The following RIT2 variants were observed in gnomAD, a reference collection of about 807,000 sequenced individuals.
RIT2 encodes the protein Ras like without CAAX 2.
RIT2 carries 24 observed loss-of-function variants against 23.7 expected under a neutral mutation model. That is an observed-to-expected ratio of 1.01 (90% confidence interval 0.73 to 1.43). The LOEUF (loss-of-function observed/expected upper bound fraction) is 1.43. Among genes scored for constraint, RIT2 ranks in the 40% most tolerant of loss-of-function variants. RIT2 has a pLI of 0.00. For synonymous variants in RIT2, 107 were observed against 91.1 expected (o/e 1.17, Z -0.99); for missense variants, 236 against 266.9 (o/e 0.88, Z 0.81).
chr18:43,045,483 C>T (rs1362361201), intron 1 of RIT2, among the ~76,000 whole-genome samples: 1 of 152,070 alleles, frequency 6.6e-6, no homozygotes, highest in Non-Finnish European at 1.5e-5. Context: ...AACGTATACC[C>T]GGGGCTGAAG....
At chr18:42,935,845 C>T (rs997506838) in intron 3 of RIT2, among the ~76,000 whole-genome samples, 1 of 151,998 alleles carries the variant, frequency 6.6e-6, no homozygotes, top group Non-Finnish European at 1.5e-5. Context: ...AGTTTAAGTG[C>T]CCCATTTTGA....
chr18:42,900,592 A>G (rs575555750), intron 4 of RIT2, among the ~76,000 whole-genome samples: 3 of 152,050 alleles, frequency 2.0e-5, no homozygotes. Context: ...GCATCATACC[A>G]TCACATCCCT....
chr18:43,016,680 G>A (rs190687930), intron 2 of RIT2, among the ~76,000 whole-genome samples: 3 of 151,590 alleles, frequency 2.0e-5, no homozygotes, highest in East Asian at 1.9e-4. Flanking sequence ...GCACATTATG[G>A]GACTATCTTT....
At chr18:43,066,758 T>C (rs1424078563) in intron 1 of RIT2, among the ~76,000 whole-genome samples, 1 of 152,100 alleles carries the variant, frequency 6.6e-6, no homozygotes, top group Non-Finnish European at 1.5e-5. Flanking sequence ...AAGCAATGCA[T>C]ACAAACTGTA....
At chr18:42,867,442 A>G (rs1907502245) in intron 4 of RIT2, among the ~76,000 whole-genome samples, 1 of 152,074 alleles carries the variant, frequency 6.6e-6, no homozygotes, top group South Asian at 2.1e-4. Flanking sequence ...TACTCTAATT[A>G]TAATTAACTA....
At chr18:42,920,478 T>G (rs1909026897) in intron 4 of RIT2, among the ~76,000 whole-genome samples, 1 of 152,314 alleles carries the variant, frequency 6.6e-6, no homozygotes, top group South Asian at 2.1e-4. Context: ...TTGAAAACAC[T>G]AAATGTATCA....
intron 4 of RIT2, among the ~76,000 whole-genome samples, chr18:42,878,249 T>C (rs376162317): frequency 1.3e-5 from 2 of 151,598 alleles, no homozygotes; most frequent in Non-Finnish European, 2.9e-5. Context: ...ACCAGAAGCC[T>C]TGTTAATAGC....
In RIT2 at chr18:42,939,534, C is replaced by T. The variant is rs79638331; in HGVS notation, c.235-15771G>A. Among the ~76,000 whole-genome samples the T allele has an allele frequency of 9.1e-3, 1,379 of 152,178 alleles. 38 individuals carry two copies. Among genetic ancestry groups the T allele is most frequent in the African/African-American group, 0.031 (1,308 of 41,528 alleles). ...ATAAGCCTAAAGCCACAGATAATTACCCACAGGAAGAAATTCTACTTATCT... is the reference window on the plus strand; with the variant it reads ...ATAAGCCTAAAGCCACAGATAATTATCCACAGGAAGAAATTCTACTTATCT... On this transcript the variant is annotated intron_variant, in intron 3 of 4. Transcript: ENST00000326695.
chr18:42,858,514 C>T (rs1315707956), intron 4 of RIT2, among the ~76,000 whole-genome samples: 1 of 152,132 alleles, frequency 6.6e-6, no homozygotes, highest in Non-Finnish European at 1.5e-5. Flanking sequence ...TGGAAACTTG[C>T]CCCATTAGAA....
intron 4 of RIT2, among the ~76,000 whole-genome samples, chr18:42,795,889 C>T (rs1905334988): frequency 6.6e-6 from 1 of 152,130 alleles, no homozygotes; most frequent in South Asian, 2.1e-4. Flanking sequence ...TTTGTGTGGA[C>T]ACTCTGTATC....
At chr18:43,027,489 T>C (rs1465203203) in intron 2 of RIT2, among the ~76,000 whole-genome samples, 1 of 152,022 alleles carries the variant, frequency 6.6e-6, no homozygotes, top group Non-Finnish European at 1.5e-5. Flanking sequence ...GCATTGGCAG[T>C]TCACCTAAGT....
At chr18:42,966,154 C>T (rs1242762150) in intron 3 of RIT2, among the ~76,000 whole-genome samples, 1 of 151,994 alleles carries the variant, frequency 6.6e-6, no homozygotes, top group African/African-American at 2.4e-5. Context: ...TAAGTAGAAA[C>T]CTTTGTAAAT....
chr18:42,808,577 G>GT (rs141896476), intron 4 of RIT2, among the ~76,000 whole-genome samples: 2,194 of 147,546 alleles, frequency 0.015, 29 homozygotes, highest in Non-Finnish European at 0.022. Flanking sequence ...AAAAGAATTC[G>GT]TTTTTTTTTT....
chr18:42,839,902 T>A (rs1339072140), intron 4 of RIT2, among the ~76,000 whole-genome samples: 1 of 152,194 alleles, frequency 6.6e-6, no homozygotes, highest in Non-Finnish European at 1.5e-5. Flanking sequence ...GAAGCCAGAT[T>A]GCTATCTACA....
chr18:43,024,452 T>A (rs982952282), intron 2 of RIT2, among the ~76,000 whole-genome samples: 3 of 151,920 alleles, frequency 2.0e-5, no homozygotes. Flanking sequence ...ATATATTTTT[T>A]AAAAAAACTA....
chr18:42,933,923 C>T (rs952289266), intron 3 of RIT2, among the ~76,000 whole-genome samples: 4 of 150,126 alleles, frequency 2.7e-5, no homozygotes, highest in Non-Finnish European at 5.9e-5. Flanking sequence ...GAGGCTGAAG[C>T]AGGAGAATCG....
chr18:42,872,373 T>C (rs1376097228), intron 4 of RIT2, among the ~76,000 whole-genome samples: 1 of 152,184 alleles, frequency 6.6e-6, no homozygotes, highest in Non-Finnish European at 1.5e-5. Context: ...CCTGTGCAGA[T>C]TCAGACACCA....
intron 2 of RIT2, among the ~76,000 whole-genome samples, chr18:43,032,530 T>C (rs1049698234): frequency 6.6e-6 from 1 of 152,118 alleles, no homozygotes; most frequent in African/African-American, 2.4e-5. Flanking sequence ...TACAAAGCTA[T>C]TGGCATTCTG....
chr18:43,018,678 G>T (rs575020590), intron 2 of RIT2, among the ~76,000 whole-genome samples: 3 of 151,822 alleles, frequency 2.0e-5, no homozygotes, highest in Non-Finnish European at 4.4e-5. Flanking sequence ...CAAAAAACCT[G>T]CCAGCCAATA....
Sources: allele counts gnomAD v4.1 joint callset (sites outside exome capture counted in the v4.1 genomes callset), GRCh38; gene constraint gnomAD v4.1.1; transcripts MANE v1.5; gene names NCBI Gene and HGNC (gene_info 2026-07-23, HGNC 2026-07-21).